The following RAB11FIP5 variants were observed in gnomAD, a reference collection of about 807,000 sequenced individuals.
RAB11FIP5 encodes the protein RAB11 family interacting protein 5.
RAB11FIP5 carries 48 observed loss-of-function variants against 85.1 expected under a neutral mutation model. That is an observed-to-expected ratio of 0.56 (90% CI 0.45 to 0.72). RAB11FIP5 has a LOEUF of 0.72. Among genes scored for constraint, RAB11FIP5 ranks in the 30% least tolerant of loss-of-function variants. The probability of loss-of-function intolerance (pLI) is 0.00; values close to 1 mark genes in which losing one functional copy is unlikely to be tolerated. For missense variants in RAB11FIP5, 1,491 were observed against 1,687.0 expected (o/e 0.88, Z 2.04); for synonymous variants, 729 against 727.3 (o/e 1.00, Z -0.04).
chr2:73,094,591 C>A (rs1165977994), intron 1 of RAB11FIP5, among the ~76,000 whole-genome samples: 2 of 152,186 alleles, frequency 1.3e-5, no homozygotes, highest in African/African-American at 4.8e-5. Context: ...TGGGGCCCCA[C>A]AGGTGAGTGA....
intron 1 of RAB11FIP5, among the ~76,000 whole-genome samples, chr2:73,091,965 TGA>T (rs141534404): frequency 0.058 from 8,877 of 151,940 alleles, 703 homozygotes; most frequent in African/African-American, 0.18. Flanking sequence ...CGGGCAGAAG[TGA>T]GGGGAGGAGA....
At chr2:73,100,804 TTTTG>T (rs1201134609) in intron 1 of RAB11FIP5, among the ~76,000 whole-genome samples, 7 of 151,336 alleles carry the variant, frequency 4.6e-5, no homozygotes, top group African/African-American at 1.7e-4. Context: ...TTTTTTGTTT[TTTTG>T]TTTTTTTTTG....
At chr2:73,101,075 C>T (rs928978676) in intron 1 of RAB11FIP5, among the ~76,000 whole-genome samples, 1 of 152,092 alleles carries the variant, frequency 6.6e-6, no homozygotes, top group Non-Finnish European at 1.5e-5. Flanking sequence ...GGGCTAACCA[C>T]CCATCAGGGC....
chr2:73,089,352 G>A lies in RAB11FIP5; in HGVS notation c.432-37C>T, dbSNP rs2106110762. The A allele has an allele frequency of 6.2e-7, 1 of 1,604,616 alleles. No individual in the cohort carries two copies. Among genetic ancestry groups the A allele is most frequent in the African/African-American group, 1.3e-5 (1 of 74,918 alleles). ...GGGGAGCAGGCAGAACTCAGTCACGGGCCCAGGGAGCCTGGCTCCCGCCCG... is the reference window on the plus strand; with the variant it reads ...GGGGAGCAGGCAGAACTCAGTCACGAGCCCAGGGAGCCTGGCTCCCGCCCG... On this transcript the variant is annotated intron_variant, in intron 1 of 5. Coordinates refer to ENST00000486777, the MANE Select transcript of RAB11FIP5 (RefSeq NM_001371272.1). The surrounding 1 kb of genome is among the most constrained non-coding windows in gnomAD (Gnocchi z 4.6).
At chr2:73,107,638 C>A (rs577792223) in intron 1 of RAB11FIP5, among the ~76,000 whole-genome samples, 39 of 152,276 alleles carry the variant, frequency 2.6e-4, no homozygotes, top group Non-Finnish European at 5.1e-4. Flanking sequence ...CACTTCCTAC[C>A]CCGCCCCACA....
chr2:73,085,638 G>T (rs1245674458), intron 3 of RAB11FIP5, among the ~76,000 whole-genome samples: 2 of 152,158 alleles, frequency 1.3e-5, no homozygotes, highest in African/African-American at 2.4e-5. Flanking sequence ...CAGTGTGACT[G>T]CCATGGCCCC....
At chr2:73,112,298 G>T in intron 1 of RAB11FIP5, 49 bp downstream of exon 1, 1 of 1,489,998 alleles carries the variant, frequency 6.7e-7, no homozygotes, top group Non-Finnish European at 8.9e-7. Flanking sequence ...CACCAGCCCC[G>T]CCCTGTTAGG....
rs1683777154 is a variant in RAB11FIP5, at chr2:73,073,490, G to C, written c.*2031C>G. 6.5e-6 allele frequency: 1 copy of C among 152,706 alleles called. No homozygotes were observed. Among genetic ancestry groups the C allele is most frequent in the Non-Finnish European group, 1.5e-5 (1 of 68,058 alleles). The allele number at this position is 152,706 out of a possible 1,614,324, so 9.5% of individuals were successfully genotyped here. On this transcript the variant is annotated 3_prime_UTR_variant, in exon 6 of 6. Transcript: ENST00000486777. Reference sequence around the variant, plus strand: ...CAAACAGCAAAGCAGAACCATGCCTGCTCCCTGCCCAACCCACCTGCAACT... The same window carrying C: ...CAAACAGCAAAGCAGAACCATGCCTCCTCCCTGCCCAACCCACCTGCAACT...
At position 73,080,331 on chromosome 2, in the gene RAB11FIP5, T is replaced by A; in HGVS notation, c.2901A>T (p.Ala967=). ...ESEESDSCSS[A]TLLGQPGLEE... ...CCAGGCCAGGCTGGCCCAGCAGGGT[T>A]GCAGAGGAGCAGCTGTCAGACTCCT... The change falls in exon 4 of 6, where the codon GCA becomes GCT. Residue 967 remains alanine (A), a synonymous_variant. Transcript: ENST00000486777. The A allele has an allele frequency of 8.1e-7, 1 of 1,232,708 alleles. No individual in the cohort carries two copies. Among genetic ancestry groups the A allele is most frequent in the Non-Finnish European group, 1.0e-6 (1 of 988,388 alleles). The allele number at this position is 1,232,708 out of a possible 1,614,324, so 76.4% of individuals were successfully genotyped here.
In RAB11FIP5 at chr2:73,075,662, G is replaced by C. The variant is rs776321220; in HGVS notation, c.3834C>G (p.Ser1278Arg). The C allele has an allele frequency of 1.2e-6, 2 of 1,613,782 alleles. No homozygotes were observed. The highest frequency in any genetic ancestry group is 1.7e-6 in the Non-Finnish European group (2 of 1,179,864). The change falls in exon 6 of 6, where the codon AGC (serine) becomes AGG (arginine). Residue 1278 changes from serine to arginine, a missense_variant. This residue lies in a region of RAB11FIP5 where 232 missense variants were observed against 259.1 expected (regional missense o/e 0.90). Coordinates refer to ENST00000486777, the MANE Select transcript of RAB11FIP5 (RefSeq NM_001371272.1). The surrounding 1 kb of genome is among the most constrained non-coding windows in gnomAD (Gnocchi z 4.6). ...GCTCCCGCTCCCGCTGCAGGAGCAG[G>C]CTGATGAGCTCATCGTGGGTCAGGT... ...YYHLTHDELI[S>R]LLLQRERELS...
At chr2:73,083,071 A>C (rs1169064573) in intron 3 of RAB11FIP5, among the ~76,000 whole-genome samples, 1 of 152,114 alleles carries the variant, frequency 6.6e-6, no homozygotes, top group Non-Finnish European at 1.5e-5. Context: ...TACACATCCG[A>C]CTTTTCAAGC....
rs763916913 is a variant in RAB11FIP5 at position 73,088,259 on chromosome 2, G to A, written c.1359C>T (p.Ala453=). ...SSEAVAEKEG[A]RKEERKPRMG... ...TCCGGGGCTTGCGTTCCTCCTTCCGGGCTCCCTCCTTCTCTGCCACAGCCT... is the reference window on the plus strand; with the variant it reads ...TCCGGGGCTTGCGTTCCTCCTTCCGAGCTCCCTCCTTCTCTGCCACAGCCT... The change falls in exon 3 of 6, where the codon GCC becomes GCT. Residue 453 remains alanine, a synonymous_variant. Coordinates refer to ENST00000486777, the MANE Select transcript of RAB11FIP5 (RefSeq NM_001371272.1). 1.9e-6 allele frequency: 3 copies of A among 1,613,894 alleles called. No individual in the cohort carries two copies. Among genetic ancestry groups the A allele is most frequent in the African/African-American group, 1.3e-5 (1 of 75,038 alleles).
rs1429520736 is a variant in RAB11FIP5, at chr2:73,079,830, CA to C, written c.3401del (p.Leu1134ArgfsTer65). The C allele has an allele frequency of 1.6e-6, 2 of 1,232,270 alleles. No homozygotes were observed. Among genetic ancestry groups the C allele is most frequent in the Admixed American group, 4.2e-5 (1 of 23,710 alleles). 76.3% of individuals were successfully genotyped at this position (1,232,270 alleles called of 1,614,324 possible). A position where few individuals can be genotyped will look rare whatever the true frequency, so the allele number is the denominator to read the frequency against. On this transcript the variant is annotated frameshift_variant, in exon 4 of 6. Coordinates refer to ENST00000486777, the MANE Select transcript of RAB11FIP5 (RefSeq NM_001371272.1). LOFTEE classifies it high-confidence loss of function. ...CCCCTGGTGGTGCAGAGGAGGTAGT[CA>C]GGGGCCAGGCTTCAGACAGGGGAGA... ...PCSPLSEAWPLTTSSAPPGEP... is the reference protein window; with the variant it reads ...PCSPLSEAWPXTTSSAPPGEP...
At chr2:73,090,537 T>G (rs1684188805) in intron 1 of RAB11FIP5, among the ~76,000 whole-genome samples, 1 of 152,170 alleles carries the variant, frequency 6.6e-6, no homozygotes, top group Non-Finnish European at 1.5e-5. Context: ...CAAACTGTGG[T>G]ACATCCAGAC....
In RAB11FIP5 at chr2:73,088,476, C is replaced by G. The variant is rs199517071; in HGVS notation, c.1142G>C (p.Arg381Pro). 16 of 1,613,890 alleles carry G rather than the reference C, an allele frequency of 9.9e-6. No individual in the cohort carries two copies. In the African/African-American group the frequency reaches 2.0e-4, roughly 20 times the overall value. Residue 381 changes from arginine to proline, a missense_variant, in exon 3 of 6, where the codon CGT becomes CCT. Around this residue, in one of 3 missense-constraint regions of RAB11FIP5, gnomAD observed 1,211 missense variants for 1,338.0 expected, o/e 0.91. Coordinates refer to ENST00000486777, the MANE Select transcript of RAB11FIP5 (RefSeq NM_001371272.1). ...TCTGGGCCAGGTGTCATCTGTGGAA[C>G]GAGGCCCCTCCTCGGAGAACCGGGA... ...VSSRFSEEGP[R>P]STDDTWPRGS...
chr2:73,085,289 A>T (rs779658714), intron 3 of RAB11FIP5, among the ~76,000 whole-genome samples: 15 of 151,908 alleles, frequency 9.9e-5, no homozygotes, highest in Admixed American at 2.6e-4. Context: ...ATCATGATAC[A>T]CTCATCTCTA....
chr2:73,109,999 A>T (rs995229309), intron 1 of RAB11FIP5, among the ~76,000 whole-genome samples: 1 of 152,314 alleles, frequency 6.6e-6, no homozygotes, highest in Middle Eastern at 3.4e-3. Context: ...CAGACGTGAA[A>T]ACTGAGGCAC....
At position 73,093,994 on chromosome 2, in the gene RAB11FIP5, G is replaced by A. The variant is rs184350638; in HGVS notation, c.432-4679C>T. ...TAATTAGCTGGGTGTGGTGGCACAC[G>A]TTTGTAATCTGAGCTGCTCGGGAAG... On this transcript the variant is annotated intron_variant, in intron 1 of 5. Coordinates refer to ENST00000486777, the MANE Select transcript of RAB11FIP5 (RefSeq NM_001371272.1). Among the ~76,000 whole-genome samples the A allele has an allele frequency of 1.8e-4, 27 of 152,136 alleles. 1 individual carries two copies. In the East Asian group the frequency reaches 3.5e-3, roughly 20 times the overall value.
At position 73,104,867 on chromosome 2, in the gene RAB11FIP5, G is replaced by A. The variant is rs181909877; in HGVS notation, c.431+7480C>T. Among the ~76,000 whole-genome samples, 154 of 152,290 alleles carry A rather than the reference G, an allele frequency of 1.0e-3. 1 individual carries two copies. Among genetic ancestry groups the A allele is most frequent in the African/African-American group, 3.6e-3 (148 of 41,534 alleles). ...TTATATGCTGCTTTGTAGAGGAATT[G>A]TCCTTGCTGCGTTAGGCTTATCTCA... is the stretch of plus-strand genomic sequence containing the variant. On this transcript the variant is annotated intron_variant, in intron 1 of 5. Transcript: ENST00000486777.
Sources: gnomAD v4.1 joint callset for allele counts (sites outside exome capture counted in the v4.1 genomes callset) on GRCh38, gnomAD v4.1.1 for gene constraint, gnomAD v4.1.1 regional missense constraint, Gnocchi (gnomAD v3.1) non-coding constraint, MANE v1.5 for transcripts, NCBI Gene and HGNC (gene_info 2026-07-23, HGNC 2026-07-21) for gene names.